KCNAB2: variants seen among roughly 807,000 people sequenced by gnomAD.
The protein encoded by KCNAB2 is voltage-gated potassium channel subunit beta-2.
A neutral mutation model predicts 63.6 loss-of-function variants in KCNAB2; 29 were observed. The observed-to-expected ratio is 0.46, with a 90% CI of 0.34 to 0.62. KCNAB2 has a LOEUF of 0.62. Among genes scored for constraint, KCNAB2 ranks in the 20% least tolerant of loss-of-function variants. KCNAB2 has a pLI of 0.01. For missense variants in KCNAB2, 359 were observed against 563.9 expected, an observed-to-expected ratio of 0.64 and a Z score of 3.68; for synonymous variants, 222 against 224.2, an observed-to-expected ratio of 0.99 and a Z score of 0.09.
At chr1:6,048,237 C>G (rs1244878927) in intron 1 of KCNAB2, among the ~76,000 whole-genome samples, 1 of 152,232 alleles carries the variant, frequency 6.6e-6, no homozygotes, top group African/African-American at 2.4e-5. Context: ...CAAGTTCCTT[C>G]CCGCCCTGCC....
chr1:6,017,742 G>C (rs960612257), intron 1 of KCNAB2, among the ~76,000 whole-genome samples: 18 of 151,492 alleles, frequency 1.2e-4, no homozygotes, highest in Admixed American at 1.1e-3. Context: ...AGTGAGCCAA[G>C]ATAGCGCCTC....
At chr1:6,038,497 T>C (rs1660233762) in intron 1 of KCNAB2, among the ~76,000 whole-genome samples, 2 of 152,120 alleles carry the variant, frequency 1.3e-5, no homozygotes, top group African/African-American at 2.4e-5. Context: ...ACTGGGTCTC[T>C]ACAAAACAAA....
At chr1:6,059,744 C>T (rs944228137) in intron 2 of KCNAB2, among the ~76,000 whole-genome samples, 10 of 152,258 alleles carry the variant, frequency 6.6e-5, no homozygotes, top group African/African-American at 1.9e-4. Context: ...ATCTCACAGC[C>T]GCGGGCCTCT....
At chr1:6,057,337 T>C (rs2100569055) in intron 2 of KCNAB2, among the ~76,000 whole-genome samples, 1 of 152,218 alleles carries the variant, frequency 6.6e-6, no homozygotes, top group African/African-American at 2.4e-5. Flanking sequence ...GCCAGGTTCA[T>C]TGAGCAGACT....
At chr1:6,076,731 T>TC (rs1417947827) in intron 4 of KCNAB2, among the ~76,000 whole-genome samples, 4 of 152,062 alleles carry the variant, frequency 2.6e-5, no homozygotes, top group African/African-American at 9.7e-5. Flanking sequence ...AGATTCCTTG[T>TC]CCCCCCAGAT....
upstream of KCNAB2, among the ~76,000 whole-genome samples, chr1:6,032,574 A>T (rs984488771): frequency 5.8e-5 from 3 of 51,942 alleles, no homozygotes; most frequent in Non-Finnish European, 1.0e-4. Flanking sequence ...AGACTCTGTT[A>T]AAAAAAAAAA....
intron 5 of KCNAB2, among the ~76,000 whole-genome samples, chr1:6,084,178 G>A (rs1298798257): frequency 1.3e-5 from 2 of 152,224 alleles, no homozygotes; most frequent in African/African-American, 2.4e-5. Flanking sequence ...TCCGTCTGTT[G>A]TTTTGCTCAG....
In KCNAB2 at chr1:6,096,775, T is replaced by C; in HGVS notation, c.1069+19T>C. ...GCCATAGGTAACGGTGGGGTCGCCA[T>C]GGGGCCAGTGCCCCTGGGGAGAACC... On this transcript the variant is annotated intron_variant, in intron 14 of 15. Coordinates refer to ENST00000378083, the MANE Select transcript of KCNAB2 (RefSeq NM_001199862.2). This position sits in a 1 kb window ranked among gnomAD's most constrained non-coding sequence, Gnocchi z 5.9. The C allele has an allele frequency of 6.4e-7, 1 of 1,554,354 alleles. No individual in the cohort carries two copies. Among genetic ancestry groups the C allele is most frequent in the Non-Finnish European group, 8.7e-7 (1 of 1,147,426 alleles).
At chr1:5,995,424 G>A (rs111391080) in intron 1 of KCNAB2, among the ~76,000 whole-genome samples, 1,987 of 152,332 alleles carry the variant, frequency 0.013, 15 homozygotes, top group Non-Finnish European at 0.021. Flanking sequence ...CCAGCACCCC[G>A]AGGACATGAC....
At chr1:6,016,691 G>A (rs142685107) in intron 1 of KCNAB2, among the ~76,000 whole-genome samples, 3,140 of 152,248 alleles carry the variant, frequency 0.021, 113 homozygotes, top group African/African-American at 0.07. Flanking sequence ...GGCAGTAGAC[G>A]GCAGCGGTGA....
chr1:5,994,998 C>T lies in KCNAB2; in HGVS notation c.-53+2210C>T, dbSNP rs1243469179. ...TGTGGAAGGAGAGCCTGCTCCCTCG[C>T]GAGAACCAGGGGACCGTGCTTCTGT... On this transcript the variant is annotated intron_variant, in intron 1 of 16. Coordinates refer to the KCNAB2 transcript ENST00000341524. This position sits in a 1 kb window ranked among gnomAD's most constrained non-coding sequence, Gnocchi z 5.4. Among the ~76,000 whole-genome samples the T allele has an allele frequency of 3.3e-5, 5 of 152,152 alleles. No homozygotes were observed. The highest frequency in any genetic ancestry group is 7.2e-5 in the African/African-American group (3 of 41,404).
intron 1 of KCNAB2, among the ~76,000 whole-genome samples, chr1:6,039,445 AAGAC>A (rs1370847939): frequency 6.6e-6 from 1 of 152,128 alleles, no homozygotes; most frequent in Non-Finnish European, 1.5e-5. Flanking sequence ...GTTCAGGTGA[AAGAC>A]AGCAGTGGCT....
Position 6,078,629 on chromosome 1 carries a change from CTT to C in KCNAB2, c.301-3564_301-3563del, listed in dbSNP as rs1663906750. ...GGTCAGGGTGCAGATCTGGTGGAGACTTTGGCTTTGACCCTCTGCGAGATGGA... is the reference window on the plus strand; with the variant it reads ...GGTCAGGGTGCAGATCTGGTGGAGACTGGCTTTGACCCTCTGCGAGATGGA... On this transcript the variant is annotated intron_variant, in intron 4 of 15. Transcript: ENST00000378083. The surrounding 1 kb of genome is among the most constrained non-coding windows in gnomAD (Gnocchi z 4.2). 6.6e-6 allele frequency among the ~76,000 whole-genome samples: 1 copy of C among 151,854 alleles called. No homozygotes were observed. The highest frequency in any genetic ancestry group is 1.5e-5 in the Non-Finnish European group (1 of 67,928).
At chr1:6,095,740 C>A in intron 13 of KCNAB2, 116 bp downstream of exon 13, 1 of 934,982 alleles carries the variant, frequency 1.1e-6, no homozygotes, top group East Asian at 2.4e-5. Flanking sequence ...GCAGCTGTTC[C>A]CACCTCGGTC....
chr1:6,073,002 G>T lies in KCNAB2; in HGVS notation c.262+204G>T, dbSNP rs1469269292. 6.6e-6 allele frequency among the ~76,000 whole-genome samples: 1 copy of T among 152,044 alleles called. No homozygotes were observed. The highest frequency in any genetic ancestry group is 1.9e-4 in the East Asian group (1 of 5,184). ...AGGTGGGAGGGGGGCTGGGATAGAG[G>T]GAGAGAGACACAGTCTCAGCAGAGG... On this transcript the variant is annotated intron_variant, in intron 3 of 15. Transcript: ENST00000378083. The surrounding 1 kb of genome is among the most constrained non-coding windows in gnomAD (Gnocchi z 5.7).
chr1:6,083,516 G>C (rs1420461131), intron 5 of KCNAB2, among the ~76,000 whole-genome samples: 3 of 152,186 alleles, frequency 2.0e-5, no homozygotes, highest in African/African-American at 4.8e-5. Flanking sequence ...CGGGCCTCTC[G>C]GAAGCCGCTT....
At chr1:6,094,677 G>A (rs544297735) in intron 11 of KCNAB2, among the ~76,000 whole-genome samples, 192 bp downstream of exon 11, 1 of 152,344 alleles carries the variant, frequency 6.6e-6, no homozygotes, top group East Asian at 1.9e-4. Context: ...GATTCTGCAT[G>A]GATCCCAGCG....
chr1:6,037,806 C>T (rs1374521058), intron 1 of KCNAB2, among the ~76,000 whole-genome samples: 3 of 151,798 alleles, frequency 2.0e-5, no homozygotes, highest in Non-Finnish European at 2.9e-5. Context: ...GCCAGGTAAC[C>T]AGCCTTGGCC....
chr1:6,085,970 C>T, intron 6 of KCNAB2: 1 of 985,412 alleles, frequency 1.0e-6, no homozygotes, highest in Non-Finnish European at 1.2e-6. Flanking sequence ...AGATCGGGGG[C>T]CATCCACCCT....
Sources: allele counts gnomAD v4.1 joint callset (sites outside exome capture counted in the v4.1 genomes callset), GRCh38; gene constraint gnomAD v4.1.1; non-coding constraint Gnocchi (gnomAD v3.1); transcripts MANE v1.5; gene names NCBI Gene and HGNC (gene_info 2026-07-23, HGNC 2026-07-21).